Variants in SLC39A11 observed in about 807,000 individuals in gnomAD.
SLC39A11 encodes the protein zinc transporter ZIP11.
SLC39A11 carries 33 observed loss-of-function variants against 36.1 expected under a neutral mutation model. The observed-to-expected ratio is 0.91, with a 90% confidence interval of 0.69 to 1.22. The LOEUF (loss-of-function observed/expected upper bound fraction) is 1.22, where lower values mean the gene tolerates loss of function less well. Ranked by LOEUF, SLC39A11 falls within the 50% of genes most tolerant of loss-of-function variation. The probability of loss-of-function intolerance (pLI) is 0.00; values close to 1 mark genes in which losing one functional copy is unlikely to be tolerated. For missense variants in SLC39A11, 432 were observed against 430.3 expected (o/e 1.00, Z -0.03); for synonymous variants, 166 against 170.3 (o/e 0.97, Z 0.20).
At chr17:72,684,193 G>A (rs1453033166) in intron 7 of SLC39A11, among the ~76,000 whole-genome samples, 1 of 152,108 alleles carries the variant, frequency 6.6e-6, no homozygotes, top group Non-Finnish European at 1.5e-5. Context: ...AAGAGACTGG[G>A]TTCCCGTAAC....
chr17:72,955,126 G>A (rs2086151372), intron 4 of SLC39A11, among the ~76,000 whole-genome samples: 1 of 152,028 alleles, frequency 6.6e-6, no homozygotes, highest in African/African-American at 2.4e-5. Flanking sequence ...CAGCAAGGCA[G>A]GTTTTCAAGC....
At chr17:73,038,043 C>A (rs535253984) in intron 3 of SLC39A11, among the ~76,000 whole-genome samples, 75 of 150,590 alleles carry the variant, frequency 5.0e-4, no homozygotes, top group Non-Finnish European at 8.7e-4. Context: ...GCCAACATGG[C>A]GAAACCCCGT....
rs2060663790 is a variant in SLC39A11, at chr17:73,084,744, T to G, written c.147+64A>C. 19 of 1,563,770 alleles carry G rather than the reference T, an allele frequency of 1.2e-5. No individual in the cohort carries two copies. In the South Asian group the frequency reaches 1.3e-4, roughly 11 times the overall value. On this transcript the variant is annotated intron_variant, in intron 3 of 9. Coordinates refer to ENST00000255559, the MANE Select transcript of SLC39A11 (RefSeq NM_139177.4). Reference sequence around the variant, plus strand: ...CAAGGGGAGGGACTGAAGACAGCCCTTGGCAGACACATGTCAGAATCAGTA... The same window carrying G: ...CAAGGGGAGGGACTGAAGACAGCCCGTGGCAGACACATGTCAGAATCAGTA...
At chr17:73,069,987 A>C (rs112415234) in intron 3 of SLC39A11, among the ~76,000 whole-genome samples, 3,234 of 152,312 alleles carry the variant, frequency 0.021, 50 homozygotes, top group Non-Finnish European at 0.033. Context: ...GGATTCAATG[A>C]AGTATTGGCC....
intron 5 of SLC39A11, among the ~76,000 whole-genome samples, chr17:72,890,491 C>A (rs2146710918): frequency 6.6e-6 from 1 of 152,192 alleles, no homozygotes; most frequent in African/African-American, 2.4e-5. Flanking sequence ...TGCTGAGGTT[C>A]CTGGCTTGAG....
chr17:72,678,489 A>C (rs1033094987), intron 7 of SLC39A11, among the ~76,000 whole-genome samples: 1 of 151,962 alleles, frequency 6.6e-6, no homozygotes, highest in Non-Finnish European at 1.5e-5. Flanking sequence ...GGCAGATCAC[A>C]AGGTCAGGAG....
At chr17:72,883,774 G>A (rs4476236) in intron 5 of SLC39A11, among the ~76,000 whole-genome samples, 79,343 of 152,030 alleles carry the variant, frequency 0.52, 22,680 homozygotes, top group African/African-American at 0.76. Context: ...GTGGAGGGAA[G>A]GGGATGCAAT....
chr17:72,898,157 C>T (rs76391423), intron 5 of SLC39A11, among the ~76,000 whole-genome samples: 1,577 of 152,298 alleles, frequency 0.01, 49 homozygotes, highest in East Asian at 0.073. Flanking sequence ...TGGGGGCCAC[C>T]TCAGTAAGAC....
intron 6 of SLC39A11, among the ~76,000 whole-genome samples, chr17:72,830,090 C>T (rs903947718): frequency 3.3e-5 from 5 of 152,192 alleles, no homozygotes; most frequent in African/African-American, 1.2e-4. Context: ...TGAGGAAATG[C>T]AGACATGCAC....
At chr17:72,968,241 G>T (rs755595399) in intron 4 of SLC39A11, among the ~76,000 whole-genome samples, 48 of 152,326 alleles carry the variant, frequency 3.2e-4, no homozygotes, top group Non-Finnish European at 6.3e-4. Context: ...TAAAAGGAAG[G>T]CATCTGCGAG....
chr17:72,776,131 C>A (rs2076123273), intron 6 of SLC39A11, among the ~76,000 whole-genome samples: 1 of 152,216 alleles, frequency 6.6e-6, no homozygotes, highest in South Asian at 2.1e-4. Flanking sequence ...CTTTCAAGTG[C>A]CAGATGGCGG....
chr17:72,956,908 T>G (rs189381038), intron 4 of SLC39A11, among the ~76,000 whole-genome samples: 61 of 152,296 alleles, frequency 4.0e-4, no homozygotes, highest in African/African-American at 1.4e-3. Context: ...TTATTATTGT[T>G]CTATGGTCAA....
intron 4 of SLC39A11, among the ~76,000 whole-genome samples, chr17:72,959,325 G>GTGTGTGTGTGTA (rs1436484912): frequency 1.5e-5 from 1 of 65,548 alleles, no homozygotes. Flanking sequence ...GTGTGTGTGT[G>GTGTGTGTGTGTA]TATATATATA....
intron 6 of SLC39A11, among the ~76,000 whole-genome samples, chr17:72,788,758 C>A (rs1431817613): frequency 6.6e-6 from 1 of 152,204 alleles, no homozygotes; most frequent in East Asian, 1.9e-4. Flanking sequence ...AAGTCCTGGA[C>A]AATACTAGAG....
At chr17:72,694,487 G>A (rs546042227) in intron 7 of SLC39A11, among the ~76,000 whole-genome samples, 1 of 152,288 alleles carries the variant, frequency 6.6e-6, no homozygotes, top group African/African-American at 2.4e-5. Context: ...TCAGCTGCTC[G>A]CCACTGTGCA....
chr17:72,979,340 T>A (rs1414296049), intron 4 of SLC39A11, among the ~76,000 whole-genome samples: 1 of 136,742 alleles, frequency 7.3e-6, no homozygotes, highest in Non-Finnish European at 1.6e-5. Context: ...CAGTTCTTTA[T>A]AATGGTCTGA....
intron 4 of SLC39A11, among the ~76,000 whole-genome samples, chr17:72,966,627 T>G (rs571852759): frequency 6.6e-6 from 1 of 152,154 alleles, no homozygotes; most frequent in Non-Finnish European, 1.5e-5. Context: ...TGGAGTGCAG[T>G]GGCGCGATCT....
intron 6 of SLC39A11, among the ~76,000 whole-genome samples, chr17:72,782,687 CAAAAAAAAA>C (rs72447211): frequency 6.4e-5 from 4 of 62,474 alleles, no homozygotes; most frequent in African/African-American, 2.3e-4. Context: ...GACCCCATCT[CAAAAAAAAA>C]AAAAAAAAAA....
chr17:72,702,295 T>A (rs2072682913), intron 7 of SLC39A11, among the ~76,000 whole-genome samples: 1 of 152,138 alleles, frequency 6.6e-6, no homozygotes, highest in Non-Finnish European at 1.5e-5. Flanking sequence ...TGGCACATAG[T>A]AGGCCTTCAA....
Sources: allele counts gnomAD v4.1 joint callset (sites outside exome capture counted in the v4.1 genomes callset), GRCh38; gene constraint gnomAD v4.1.1; transcripts MANE v1.5; gene names NCBI Gene and HGNC (gene_info 2026-07-23, HGNC 2026-07-21).